Variants in MLPH observed in about 807,000 individuals in gnomAD.
MLPH encodes melanophilin, also known as exophilin-3.
A neutral mutation model predicts 72.1 loss-of-function variants in MLPH; 51 were observed. That is an observed-to-expected ratio of 0.71 (90% CI 0.56 to 0.89). The LOEUF (loss-of-function observed/expected upper bound fraction) is 0.89, where lower values mean the gene tolerates loss of function less well. Ranked by LOEUF, MLPH falls within the 40% of genes least tolerant of loss-of-function variation. The probability of loss-of-function intolerance (pLI) is 0.00; values close to 1 mark genes in which losing one functional copy is unlikely to be tolerated. For missense variants in MLPH, 743 were observed against 759.9 expected (o/e 0.98, Z 0.26); for synonymous variants, 301 against 310.1 (o/e 0.97, Z 0.31).
chr2:237,497,105 G>C (rs772923434), intron 2 of MLPH, among the ~76,000 whole-genome samples: 1 of 152,188 alleles, frequency 6.6e-6, no homozygotes, highest in East Asian at 1.9e-4. Context: ...GAGCACACAG[G>C]CTAGATCCCT....
At chr2:237,550,153 T>C (rs1352626602) in intron 14 of MLPH, among the ~76,000 whole-genome samples, 2 of 152,198 alleles carry the variant, frequency 1.3e-5, no homozygotes, top group Non-Finnish European at 2.9e-5. Context: ...CGCCTGGGTG[T>C]GCCCCCTCCC....
intron 9 of MLPH, 33 bp downstream of exon 9, chr2:237,534,680 C>T (rs1421472750): frequency 1.3e-6 from 2 of 1,528,706 alleles, no homozygotes; most frequent in East Asian, 2.2e-5. Flanking sequence ...GAGAAAGGGC[C>T]CCCACAGCTC....
At chr2:237,545,570 TTAGTCC>T in intron 12 of MLPH, 1 of 1,288,090 alleles carries the variant, frequency 7.8e-7, no homozygotes, top group Non-Finnish European at 1.0e-6. Flanking sequence ...GTGGAAATCC[TTAGTCC>T]GCCGCCACGT....
chr2:237,552,926 C>A (rs932942491), intron 15 of MLPH, among the ~76,000 whole-genome samples: 11 of 152,074 alleles, frequency 7.2e-5, no homozygotes, highest in Non-Finnish European at 1.5e-4. Flanking sequence ...GCATACACAC[C>A]CAAGTGTGTG....
At chr2:237,544,472 G>GC (rs1229189402) in intron 12 of MLPH, among the ~76,000 whole-genome samples, 2 of 50,680 alleles carry the variant, frequency 3.9e-5, no homozygotes, top group African/African-American at 2.7e-4. Context: ...AGTGAGTGGG[G>GC]ACAGTGGTGA....
At chr2:237,516,687 A>G (rs1022730191) in intron 4 of MLPH, among the ~76,000 whole-genome samples, 9 of 152,196 alleles carry the variant, frequency 5.9e-5, no homozygotes, top group Non-Finnish European at 1.3e-4. Context: ...GACCAGCTCT[A>G]AGTGATGTTT....
At chr2:237,518,470 A>G (rs2080101634) in intron 4 of MLPH, 69 bp from the exon 5 acceptor site, 3 of 1,276,626 alleles carry the variant, frequency 2.3e-6, no homozygotes, top group Non-Finnish European at 2.2e-6. Flanking sequence ...GGATGGGTGG[A>G]TGGGCTGACA....
Position 237,525,710 on chromosome 2 carries a change from C to T in MLPH, c.785C>T (p.Pro262Leu), listed in dbSNP as rs779729023. Residue 262 changes from proline to leucine, a missense_variant, in exon 7 of 16, where the codon CCG becomes CTG. Coordinates refer to ENST00000264605, the MANE Select transcript of MLPH (RefSeq NM_024101.7). ...TGCCACTCCCATCCGGAAGAGCAGC[C>T]GACCAGCATCTCACCTTCCAGACAC... ...SGCHSHPEEQPTSISPSRHGA... is the reference protein window; with the variant it reads ...SGCHSHPEEQLTSISPSRHGA... 9.3e-6 allele frequency: 15 copies of T among 1,614,018 alleles called. No individual in the cohort carries two copies. Among genetic ancestry groups the T allele is most frequent in the East Asian group, 8.9e-5 (4 of 44,898 alleles).
chr2:237,534,353 G>T (rs2080487284), intron 8 of MLPH, among the ~76,000 whole-genome samples: 3 of 152,082 alleles, frequency 2.0e-5, no homozygotes, highest in Admixed American at 1.3e-4. Flanking sequence ...CCCTCTCTTG[G>T]TTCCGCTCCA....
intron 2 of MLPH, chr2:237,507,529 A>G (rs1205226536): frequency 6.6e-6 from 1 of 152,208 alleles, no homozygotes; most frequent in East Asian, 1.9e-4. Context: ...CATTTGGAAG[A>G]CACCGGCTCA....
rs777970535 is a variant in MLPH at position 237,527,417 on chromosome 2, C to G, written c.921C>G (p.Tyr307Ter). The change falls in exon 8 of 16, where the codon TAC becomes TAG. Residue 307 changes from tyrosine to a stop codon, truncating the protein, a stop_gained. Coordinates refer to ENST00000264605, the MANE Select transcript of MLPH (RefSeq NM_024101.7). LOFTEE classifies it high-confidence loss of function. ...GGAATGAGCAGCTGCCCCTGCAGTA[C>G]TTGGCCGATGTGGACACCTCTGATG... The part of the protein sequence containing the change: ...VIRNEQLPLQ[Y>*]LADVDTSDEE... 2 of 1,614,096 alleles carry G rather than the reference C, an allele frequency of 1.2e-6. No individual in the cohort carries two copies. Among genetic ancestry groups the G allele is most frequent in the East Asian group, 2.2e-5 (1 of 44,902 alleles).
At chr2:237,487,217 AC>A (rs1313963385), upstream of MLPH, 4 of 152,200 alleles carry the variant, frequency 2.6e-5, no homozygotes, top group African/African-American at 9.7e-5. Context: ...GGCGCAGCCC[AC>A]GTGGTTCGGG....
rs115997344 is a variant in MLPH, at chr2:237,524,925, G to A, written c.676-676G>A. On this transcript the variant is annotated intron_variant, in intron 6 of 15. Coordinates refer to ENST00000264605, the MANE Select transcript of MLPH (RefSeq NM_024101.7). ...CCAGGAGGAGGGGGAAGCAGGGTGG[G>A]TCCTGGAAGCCAGCAGCCAATTGGT... Among the ~76,000 whole-genome samples, 453 of 152,308 alleles carry A rather than the reference G, an allele frequency of 3.0e-3. 1 individual carries two copies. Among genetic ancestry groups the A allele is most frequent in the African/African-American group, 0.01 (432 of 41,572 alleles).
intron 4 of MLPH, 170 bp from the exon 5 acceptor site, chr2:237,518,361 TGGTAGATG>T: frequency 1.4e-6 from 1 of 692,918 alleles, no homozygotes; most frequent in Non-Finnish European, 2.7e-6. Context: ...ATGGGTGGAT[TGGTAGATG>T]GGTAGATGGA....
chr2:237,519,778 T>G (rs1039096251), intron 5 of MLPH, 132 bp from the exon 6 acceptor site: 1 of 1,286,332 alleles, frequency 7.8e-7, no homozygotes. Context: ...GTGGAGGGGG[T>G]GGATGTGCTG....
chr2:237,527,563 A>T, intron 8 of MLPH, 47 bp downstream of exon 8: 1 of 1,612,562 alleles, frequency 6.2e-7, no homozygotes, highest in Non-Finnish European at 8.5e-7. Flanking sequence ...CTTTGGGTGG[A>T]GTCTTTTTAC....
At chr2:237,493,259 G>A (rs1319182390) in intron 1 of MLPH, 144 bp from the exon 2 acceptor site, 21 of 632,910 alleles carry the variant, frequency 3.3e-5, no homozygotes, top group Non-Finnish European at 5.8e-5. Context: ...CAAGTTTCCA[G>A]ACAAGCATTA....
At chr2:237,534,099 TG>T (rs2080482293) in intron 8 of MLPH, among the ~76,000 whole-genome samples, 2 of 152,222 alleles carry the variant, frequency 1.3e-5, no homozygotes, top group African/African-American at 4.8e-5. Context: ...GTTGTACTTC[TG>T]GTCCCTTTAG....
intron 13 of MLPH, 110 bp from the exon 14 acceptor site, chr2:237,549,111 A>C: frequency 6.7e-6 from 6 of 898,792 alleles, no homozygotes; most frequent in Non-Finnish European, 1.1e-5. Context: ...AGCAGAAAAT[A>C]GTGGCCATGG....
Sources: allele counts gnomAD v4.1 joint callset (sites outside exome capture counted in the v4.1 genomes callset), GRCh38; gene constraint gnomAD v4.1.1; transcripts MANE v1.5; gene names NCBI Gene and HGNC (gene_info 2026-07-23, HGNC 2026-07-21).